Variants in FOXP1 observed in about 807,000 individuals in gnomAD.
The protein encoded by FOXP1 is forkhead box P1.
A neutral mutation model predicts 98.2 loss-of-function variants in FOXP1; 15 were observed. The observed-to-expected ratio is 0.15, with a 90% CI of 0.10 to 0.24. FOXP1 has a LOEUF of 0.24. Among genes scored for constraint, FOXP1 ranks in the 10% least tolerant of loss-of-function variants. The pLI, the probability that FOXP1 is intolerant of heterozygous loss-of-function variation, is 1.00. For synonymous variants in FOXP1, 371 were observed against 314.5 expected, an observed-to-expected ratio of 1.18 and a Z score of -1.90; for missense variants, 633 against 848.5, an observed-to-expected ratio of 0.75 and a Z score of 3.15.
intron 13 of FOXP1, among the ~76,000 whole-genome samples, chr3:70,992,720 G>A (rs954019241): frequency 1.7e-4 from 26 of 152,096 alleles, no homozygotes; most frequent in Non-Finnish European, 2.6e-4. Context: ...TAAAGCAGAC[G>A]CACACTAATA....
intron 5 of FOXP1, among the ~76,000 whole-genome samples, chr3:71,294,041 T>G (rs916480858): frequency 1.3e-5 from 2 of 152,220 alleles, no homozygotes; most frequent in Non-Finnish European, 1.5e-5. Context: ...GGATTCCATT[T>G]CTATGAAACG....
intron 16 of FOXP1, 47 bp from the exon 17 acceptor site, chr3:70,977,089 G>C: frequency 1.6e-6 from 2 of 1,232,206 alleles, no homozygotes. Flanking sequence ...CAAATCAGCA[G>C]AGTCGTCATT....
At chr3:71,303,906 C>A (rs562125552) in intron 4 of FOXP1, among the ~76,000 whole-genome samples, 2 of 152,160 alleles carry the variant, frequency 1.3e-5, no homozygotes, top group Admixed American at 6.5e-5. Context: ...GCTGTGCAGC[C>A]GGGGTCTCTG....
At chr3:71,213,841 G>A (rs1056261173) in intron 5 of FOXP1, among the ~76,000 whole-genome samples, 7 of 152,050 alleles carry the variant, frequency 4.6e-5, no homozygotes, top group Admixed American at 3.9e-4. Context: ...AAAATAAAAT[G>A]CAACATACAT....
At chr3:70,984,456 G>T (rs73118203) in intron 14 of FOXP1, among the ~76,000 whole-genome samples, 53 of 152,278 alleles carry the variant, frequency 3.5e-4, no homozygotes, top group Non-Finnish European at 5.4e-4. Context: ...TACAGGTAGT[G>T]CAATTCACGG....
intron 2 of FOXP1, among the ~76,000 whole-genome samples, chr3:71,546,902 T>C (rs978855751): frequency 3.9e-5 from 6 of 151,950 alleles, no homozygotes; most frequent in Non-Finnish European, 7.4e-5. Flanking sequence ...TCAATTTTCA[T>C]CATGAGCTTG....
rs377470035 is a variant in FOXP1 at position 71,397,008 on chromosome 3, GTATA to G, written c.-167-37768_-167-37765del. 5.5e-3 allele frequency among the ~76,000 whole-genome samples: 111 copies of G among 20,300 alleles called. 3 individuals carry two copies. The highest frequency in any genetic ancestry group is 7.6e-3 in the East Asian group (20 of 2,622). The allele number at this position is 20,300 out of a possible 152,430, so 13.3% of individuals were successfully genotyped here. On this transcript the variant is annotated intron_variant, in intron 3 of 20. Transcript: ENST00000649528. ...TGTATATATATACACATATATATGTGTATATATATATATATACATATATATGTGT... is the reference window on the plus strand; with the variant it reads ...TGTATATATATACACATATATATGTGTATATATATATACATATATATGTGT...
At chr3:71,438,098 A>C (rs2085544578) in intron 3 of FOXP1, among the ~76,000 whole-genome samples, 1 of 152,226 alleles carries the variant, frequency 6.6e-6, no homozygotes. Flanking sequence ...AAAATAATTG[A>C]ACAATTTATT....
chr3:71,031,935 C>G (rs898331492), intron 11 of FOXP1, among the ~76,000 whole-genome samples: 3 of 152,184 alleles, frequency 2.0e-5, no homozygotes, highest in Non-Finnish European at 4.4e-5. Context: ...AGAATTGTAC[C>G]TGCTGAGTTA....
Position 70,958,952 on chromosome 3 carries a change from A to C in FOXP1, c.*295T>G. ...CTGCTAAAAGTGAATCAGTTTAGCA[A>C]ATTTACAACACTGATGTTGACGGTT... On this transcript the variant is annotated 3_prime_UTR_variant, in exon 21 of 21. Coordinates refer to ENST00000649528, the MANE Select transcript of FOXP1 (RefSeq NM_001349338.3). 1 of 430,712 alleles carries C rather than the reference A, an allele frequency of 2.3e-6. No individual in the cohort carries two copies. The highest frequency in any genetic ancestry group is 4.1e-5 in the East Asian group (1 of 24,358). The allele number at this position is 430,712 out of a possible 1,614,324, so 26.7% of individuals were successfully genotyped here. A position where few individuals can be genotyped will look rare whatever the true frequency, so the allele number is the denominator to read the frequency against.
chr3:71,222,417 AT>A (rs908649971), intron 5 of FOXP1, among the ~76,000 whole-genome samples: 1 of 151,650 alleles, frequency 6.6e-6, no homozygotes, highest in African/African-American at 2.4e-5. Context: ...TGGTATTTTT[AT>A]TTTTATTTTT....
At chr3:71,134,446 T>C (rs2059719729) in intron 6 of FOXP1, among the ~76,000 whole-genome samples, 1 of 152,054 alleles carries the variant, frequency 6.6e-6, no homozygotes, top group South Asian at 2.1e-4. Context: ...AAGTGTTAGA[T>C]AGGTATTGAG....
intron 11 of FOXP1, among the ~76,000 whole-genome samples, chr3:71,018,222 A>T (rs971552003): frequency 6.6e-6 from 1 of 152,234 alleles, no homozygotes; most frequent in Admixed American, 6.5e-5. Context: ...AACTATTCAC[A>T]TCTAAGAATT....
chr3:71,295,069 C>T (rs1044916052), intron 5 of FOXP1, among the ~76,000 whole-genome samples: 27 of 152,188 alleles, frequency 1.8e-4, no homozygotes, highest in African/African-American at 6.0e-4. Context: ...TTTACCCTGA[C>T]GGTTACAACC....
intron 12 of FOXP1, among the ~76,000 whole-genome samples, chr3:71,011,124 T>C (rs2107697691): frequency 6.6e-6 from 1 of 152,280 alleles, no homozygotes; most frequent in South Asian, 2.1e-4. Context: ...TTGTTACATA[T>C]GACCAGTCAA....
At chr3:70,972,385 G>T in intron 18 of FOXP1, 170 bp downstream of exon 18, 3 of 1,005,100 alleles carry the variant, frequency 3.0e-6, no homozygotes, top group South Asian at 2.7e-5. Flanking sequence ...AGGGCAGGGG[G>T]ACTGGTGGGT....
In FOXP1 at chr3:71,198,187, T is replaced by G. The variant is rs1355296698; in HGVS notation, c.180+15A>C. ...ACCCACCACCTCCACCTCCCAAGAC[T>G]CCAAAGCCCAGTACCTGTTGCTGCT... is the stretch of plus-strand genomic sequence containing the variant. On this transcript the variant is annotated intron_variant, in intron 6 of 20. Transcript: ENST00000649528. The G allele has an allele frequency of 1.9e-6, 3 of 1,613,852 alleles. No homozygotes were observed. The highest frequency in any genetic ancestry group is 2.5e-6 in the Non-Finnish European group (3 of 1,180,012).
chr3:71,152,245 A>G (rs1020698624), intron 6 of FOXP1, among the ~76,000 whole-genome samples: 2 of 152,150 alleles, frequency 1.3e-5, no homozygotes, highest in Non-Finnish European at 2.9e-5. Context: ...CTCTCCCTGC[A>G]TGAATTGAAT....
intron 2 of FOXP1, among the ~76,000 whole-genome samples, chr3:71,498,578 T>C (rs1331867257): frequency 6.6e-6 from 1 of 152,164 alleles, no homozygotes; most frequent in Non-Finnish European, 1.5e-5. Context: ...TATTGAAGAA[T>C]GTCTATCCTA....
Sources: allele counts gnomAD v4.1 joint callset (sites outside exome capture counted in the v4.1 genomes callset), GRCh38; gene constraint gnomAD v4.1.1; transcripts MANE v1.5; gene names NCBI Gene and HGNC (gene_info 2026-07-23, HGNC 2026-07-21).